Variants in ROBO2 observed in about 807,000 individuals in gnomAD.
The protein encoded by ROBO2 is roundabout homolog 2.
ROBO2 carries 53 observed loss-of-function variants against 160.8 expected under a neutral mutation model. The observed-to-expected ratio is 0.33, with a 90% CI of 0.26 to 0.41. The LOEUF is 0.41. ROBO2 is among the 10% of genes least tolerant of loss of function. The pLI is 1.00. For missense variants in ROBO2, 1,577 were observed against 1,722.4 expected (o/e 0.92, Z 1.49); for synonymous variants, 664 against 611.7 (o/e 1.09, Z -1.26).
chr3:76,314,019 A>C (rs1328419609), intron 2 of ROBO2, among the ~76,000 whole-genome samples: 1 of 152,190 alleles, frequency 6.6e-6, no homozygotes, highest in Non-Finnish European at 1.5e-5. Flanking sequence ...TTGTCAGAAC[A>C]TTTGGAAAAA....
At chr3:77,088,994 G>A (rs2069743427) in intron 1 of ROBO2, among the ~76,000 whole-genome samples, 1 of 152,132 alleles carries the variant, frequency 6.6e-6, no homozygotes, top group South Asian at 2.1e-4. Flanking sequence ...ACAGAACAAT[G>A]AGACTGTAGC....
exon 26 of ROBO2, chr3:77,646,179 A>T (rs1449930052): frequency 1.6e-6 from 1 of 616,970 alleles, no homozygotes; most frequent in African/African-American, 1.9e-5. Context: ...TGTAAATGCA[A>T]TGTAAAGACA....
intron 2 of ROBO2, among the ~76,000 whole-genome samples, chr3:76,059,732 A>G (rs963712536): frequency 6.6e-5 from 10 of 152,146 alleles, no homozygotes; most frequent in Non-Finnish European, 1.2e-4. Flanking sequence ...GCCCATGCCT[A>G]TGTCCTGAAT....
chr3:77,575,283 C>T (rs768034673), intron 14 of ROBO2, among the ~76,000 whole-genome samples: 11 of 152,050 alleles, frequency 7.2e-5, no homozygotes, highest in Non-Finnish European at 1.0e-4. Context: ...CTGTGATGAA[C>T]ACAAGCTTTC....
At chr3:76,727,404 C>A (rs1371113182) in intron 2 of ROBO2, among the ~76,000 whole-genome samples, 1 of 152,102 alleles carries the variant, frequency 6.6e-6, no homozygotes, top group Non-Finnish European at 1.5e-5. Flanking sequence ...GCCCTAAATT[C>A]ATTTTATTCA....
intron 2 of ROBO2, among the ~76,000 whole-genome samples, chr3:77,472,940 C>CTT (rs1423951049): frequency 6.6e-6 from 1 of 151,900 alleles, no homozygotes; most frequent in African/African-American, 2.4e-5. Flanking sequence ...TGGGGTAATA[C>CTT]CCAAGGTTCG....
chr3:76,635,858 T>A (rs566306597), intron 2 of ROBO2, among the ~76,000 whole-genome samples: 1 of 152,350 alleles, frequency 6.6e-6, no homozygotes, highest in Admixed American at 6.5e-5. Flanking sequence ...TTAGAAAACT[T>A]CTTCAGAACT....
At chr3:77,381,707 G>T (rs977849553) in intron 2 of ROBO2, among the ~76,000 whole-genome samples, 2 of 152,148 alleles carry the variant, frequency 1.3e-5, no homozygotes, top group African/African-American at 4.8e-5. Context: ...TCAGGCAAGG[G>T]TACTTGTGAA....
chr3:77,019,443 A>G (rs930877427), intron 2 of ROBO2, among the ~76,000 whole-genome samples: 4 of 152,174 alleles, frequency 2.6e-5, no homozygotes, highest in East Asian at 1.9e-4. Context: ...ATTTCAACAT[A>G]TGAATTTGGG....
intron 23 of ROBO2, among the ~76,000 whole-genome samples, chr3:77,625,479 G>T (rs1470654167): frequency 6.6e-6 from 1 of 151,864 alleles, no homozygotes; most frequent in Non-Finnish European, 1.5e-5. Context: ...TCGGGTTCAA[G>T]CGATTCTCGT....
rs564578396 is a variant in ROBO2, at chr3:76,624,655, C to T, written c.110-473359C>T. ...CTCTACTAAAAATACAAAAAATTAG[C>T]CGGGCATGGTGGCATCCCTGTAATC... is the stretch of plus-strand genomic sequence containing the variant. On this transcript the variant is annotated intron_variant, in intron 2 of 26. Coordinates refer to the ROBO2 transcript ENST00000487694. Among the ~76,000 whole-genome samples the T allele has an allele frequency of 7.9e-5, 12 of 151,728 alleles. No homozygotes were observed. The East Asian group carries it at 2.0e-3, about 25-fold the overall frequency.
chr3:76,121,607 A>G (rs1447438546), intron 2 of ROBO2, among the ~76,000 whole-genome samples: 1 of 152,176 alleles, frequency 6.6e-6, no homozygotes, highest in Admixed American at 6.6e-5. Flanking sequence ...CAGTACTGAA[A>G]CAATTCTTTT....
chr3:76,923,617 C>A (rs928551740), intron 2 of ROBO2, among the ~76,000 whole-genome samples: 1 of 152,168 alleles, frequency 6.6e-6, no homozygotes, highest in African/African-American at 2.4e-5. Context: ...TGGCCAAGCT[C>A]ATTGGCCAGG....
chr3:77,600,050 G>A (rs1207765824), intron 19 of ROBO2, among the ~76,000 whole-genome samples: 1 of 152,130 alleles, frequency 6.6e-6, no homozygotes, highest in Non-Finnish European at 1.5e-5. Context: ...ATAACTCATA[G>A]GTTTCAAACA....
chr3:77,300,811 G>A (rs2062587570), intron 2 of ROBO2, among the ~76,000 whole-genome samples: 1 of 151,744 alleles, frequency 6.6e-6, no homozygotes, highest in African/African-American at 2.4e-5. Flanking sequence ...AGGAGAGTTG[G>A]GGGGCTTATT....
chr3:76,761,836 C>T (rs936610059), intron 2 of ROBO2, among the ~76,000 whole-genome samples: 10 of 151,756 alleles, frequency 6.6e-5, no homozygotes, highest in African/African-American at 2.4e-4. Context: ...ATTTCCTCTT[C>T]TACCATGTGA....
intron 2 of ROBO2, among the ~76,000 whole-genome samples, chr3:76,444,372 C>G (rs898324549): frequency 1.3e-5 from 2 of 152,042 alleles, no homozygotes; most frequent in Admixed American, 1.3e-4. Context: ...ACTCATAATT[C>G]TAAATATTTT....
chr3:76,726,071 G>A lies in ROBO2; in HGVS notation c.110-371943G>A, dbSNP rs537136675. Among the ~76,000 whole-genome samples the A allele has an allele frequency of 7.1e-4, 108 of 152,192 alleles. 1 individual carries two copies. The highest frequency in any genetic ancestry group is 2.5e-3 in the African/African-American group (103 of 41,544). On this transcript the variant is annotated intron_variant, in intron 2 of 26. Transcript: ENST00000487694. The stretch of plus-strand genomic sequence containing the variant: ...ACCCAAGAAAGCTAACATCACACGC[G>A]CATACATCAGTCTGTTTTTTCTTAG...
chr3:76,423,664 G>A (rs1023419435), intron 2 of ROBO2, among the ~76,000 whole-genome samples: 14 of 152,122 alleles, frequency 9.2e-5, no homozygotes, highest in Non-Finnish European at 7.4e-5. Flanking sequence ...GAATTTCTGG[G>A]TGCTTGCAAG....
Sources: allele counts gnomAD v4.1 joint callset (sites outside exome capture counted in the v4.1 genomes callset), GRCh38; gene constraint gnomAD v4.1.1; transcripts MANE v1.5; gene names NCBI Gene and HGNC (gene_info 2026-07-23, HGNC 2026-07-21).